The following CALN1 variants were observed in gnomAD, a reference collection of about 807,000 sequenced individuals.
The protein encoded by CALN1 is calneuron 1.
A neutral mutation model predicts 30.6 loss-of-function variants in CALN1; 17 were observed. The ratio of observed to expected loss-of-function variants is 0.56; its 90% CI spans 0.38 to 0.83. CALN1 has a LOEUF of 0.83. CALN1 is among the 40% of genes least tolerant of loss of function. CALN1 has a pLI of 0.00. For missense variants in CALN1, 291 were observed against 354.9 expected (o/e 0.82, Z 1.45); for synonymous variants, 156 against 131.4 (o/e 1.19, Z -1.28).
chr7:72,130,659 A>G (rs979849016), intron 3 of CALN1, among the ~76,000 whole-genome samples: 9 of 152,164 alleles, frequency 5.9e-5, no homozygotes, highest in African/African-American at 2.2e-4. Flanking sequence ...GGTGATGGTG[A>G]TAAGGAGGAG....
intron 2 of CALN1, among the ~76,000 whole-genome samples, chr7:72,376,619 G>GTACTT (rs1284500878): frequency 6.6e-6 from 1 of 152,072 alleles, no homozygotes; most frequent in Non-Finnish European, 1.5e-5. Context: ...CCATTATAAT[G>GTACTT]TACTTTACTT....
In CALN1 at chr7:72,253,827, G is replaced by A. The variant is rs542150608; in HGVS notation, c.244+24859C>T. 5.9e-5 allele frequency among the ~76,000 whole-genome samples: 9 copies of A among 152,212 alleles called. No individual in the cohort carries two copies. The South Asian group carries it at 1.0e-3, about 18-fold the overall frequency. On this transcript the variant is annotated intron_variant, in intron 3 of 6. Coordinates refer to ENST00000395275, the MANE Select transcript of CALN1 (RefSeq NM_031468.4). ...GTGATCCCAGCTCACTGCAACCTCCGCCTCCCAGGTTCAAGCAATTCTCCT... is the reference window on the plus strand; with the variant it reads ...GTGATCCCAGCTCACTGCAACCTCCACCTCCCAGGTTCAAGCAATTCTCCT...
At chr7:71,981,086 A>T (rs1485337415) in intron 5 of CALN1, among the ~76,000 whole-genome samples, 2 of 152,200 alleles carry the variant, frequency 1.3e-5, no homozygotes, top group Non-Finnish European at 2.9e-5. Flanking sequence ...GGACACCGGG[A>T]ATCATTCACC....
At chr7:72,061,070 G>A (rs1803615056) in intron 4 of CALN1, among the ~76,000 whole-genome samples, 1 of 152,148 alleles carries the variant, frequency 6.6e-6, no homozygotes, top group African/African-American at 2.4e-5. Context: ...CAAAGCCTTG[G>A]AAAACTGAAC....
intron 4 of CALN1, among the ~76,000 whole-genome samples, chr7:72,088,701 G>GAA (rs71069024): frequency 6.9e-5 from 5 of 72,472 alleles, no homozygotes; most frequent in Non-Finnish European, 1.2e-4. Context: ...TCCATCTCAA[G>GAA]AAAAAAAAAA....
chr7:72,012,669 T>A (rs1390209629), intron 5 of CALN1, among the ~76,000 whole-genome samples: 1 of 152,226 alleles, frequency 6.6e-6, no homozygotes, highest in Non-Finnish European at 1.5e-5. Context: ...GCCTTGCGCC[T>A]CCTGCAGCCT....
rs1788120595 is a variant in CALN1, at chr7:72,161,674, T to C, written c.245-55380A>G. 3.3e-5 allele frequency among the ~76,000 whole-genome samples: 5 copies of C among 152,054 alleles called. No individual in the cohort carries two copies. In the South Asian group the frequency reaches 1.0e-3, roughly 32 times the overall value. ...TATTTTGAGCTAGAAAGTTGGCGAT[T>C]CTTGTACCGCATGTTCTCACTTGTA... is the stretch of plus-strand genomic sequence containing the variant. On this transcript the variant is annotated intron_variant, in intron 3 of 6. Transcript: ENST00000395275.
At chr7:72,030,335 CTAAGTATG>C (rs1208183555) in intron 4 of CALN1, among the ~76,000 whole-genome samples, 5 of 152,154 alleles carry the variant, frequency 3.3e-5, no homozygotes, top group Admixed American at 3.3e-4. Flanking sequence ...GCTCTGGTTC[CTAAGTATG>C]TAAGGACACA....
intron 5 of CALN1, among the ~76,000 whole-genome samples, chr7:71,979,233 T>C (rs1798262380): frequency 6.6e-6 from 1 of 152,122 alleles, no homozygotes; most frequent in Non-Finnish European, 1.5e-5. Flanking sequence ...GGAGAGGGGA[T>C]GGTTTTGGGG....
intron 1 of CALN1, among the ~76,000 whole-genome samples, chr7:72,441,684 G>A (rs1808349979): frequency 6.6e-6 from 1 of 151,588 alleles, no homozygotes; most frequent in African/African-American, 2.4e-5. Context: ...TGTACAAACA[G>A]GGCGAATCGT....
At chr7:72,266,389 T>C (rs1482949959) in intron 3 of CALN1, among the ~76,000 whole-genome samples, 1 of 152,250 alleles carries the variant, frequency 6.6e-6, no homozygotes, top group East Asian at 1.9e-4. Flanking sequence ...GCTTAAAATA[T>C]AGTTGAGAAA....
At chr7:72,049,732 T>A (rs1214589186) in intron 4 of CALN1, among the ~76,000 whole-genome samples, 1 of 151,878 alleles carries the variant, frequency 6.6e-6, no homozygotes, top group Non-Finnish European at 1.5e-5. Context: ...GGTCTCGAAC[T>A]CCTGACCTCA....
At chr7:72,096,066 TAGATAGATAGATAGATAGATAGATAA>T (rs1806203205) in intron 4 of CALN1, among the ~76,000 whole-genome samples, 1 of 151,424 alleles carries the variant, frequency 6.6e-6, no homozygotes, top group African/African-American at 2.4e-5. Flanking sequence ...GATAGATAGA[TAGATAGATAGATAGATAGATAGATAA>T]AGATAGATAG....
chr7:72,031,212 T>C (rs1274015911), intron 4 of CALN1, among the ~76,000 whole-genome samples: 1 of 152,200 alleles, frequency 6.6e-6, no homozygotes, highest in Non-Finnish European at 1.5e-5. Flanking sequence ...ATCCCAGCTT[T>C]TCTTACCAAG....
intron 5 of CALN1, among the ~76,000 whole-genome samples, chr7:71,978,416 CA>C (rs1450085945): frequency 6.6e-6 from 1 of 151,620 alleles, no homozygotes; most frequent in Non-Finnish European, 1.5e-5. Context: ...GGACTACAGG[CA>C]CCCCCCCACC....
chr7:72,351,910 A>G (rs1218382644), intron 2 of CALN1, among the ~76,000 whole-genome samples: 1 of 152,238 alleles, frequency 6.6e-6, no homozygotes, highest in Non-Finnish European at 1.5e-5. Context: ...ATATTAACAT[A>G]ATCTTTTCAA....
At chr7:72,224,603 T>C (rs547245631) in intron 3 of CALN1, among the ~76,000 whole-genome samples, 155 of 150,586 alleles carry the variant, frequency 1.0e-3, no homozygotes, top group Non-Finnish European at 1.6e-3. Flanking sequence ...TGCAACATGG[T>C]GTAACCTGTC....
intron 5 of CALN1, among the ~76,000 whole-genome samples, chr7:71,898,204 C>T (rs1793656952): frequency 6.6e-6 from 1 of 152,042 alleles, no homozygotes. Flanking sequence ...GTGGCACTTG[C>T]CTGTAGTCCC....
intron 5 of CALN1, among the ~76,000 whole-genome samples, chr7:71,957,156 A>G (rs1797003440): frequency 6.6e-6 from 1 of 152,056 alleles, no homozygotes; most frequent in South Asian, 2.1e-4. Context: ...TGGATGCTGA[A>G]GTAATCAAGC....
Sources: allele counts gnomAD v4.1 joint callset (sites outside exome capture counted in the v4.1 genomes callset), GRCh38; gene constraint gnomAD v4.1.1; transcripts MANE v1.5; gene names NCBI Gene and HGNC (gene_info 2026-07-23, HGNC 2026-07-21).